Variants in PTPRU observed in about 807,000 individuals in gnomAD.
PTPRU encodes receptor-type tyrosine-protein phosphatase U.
A neutral mutation model predicts 166.3 loss-of-function variants in PTPRU; 69 were observed. The observed-to-expected ratio is 0.41, with a 90% CI of 0.34 to 0.51. The LOEUF is 0.51. PTPRU is among the 20% of genes least tolerant of loss of function. PTPRU has a pLI of 0.09. For synonymous variants in PTPRU, 793 were observed against 814.0 expected, an observed-to-expected ratio of 0.97 and a Z score of 0.44; for missense variants, 1,657 against 2,013.7, an observed-to-expected ratio of 0.82 and a Z score of 3.39.
At chr1:29,303,760 C>G (rs1004293805) in intron 15 of PTPRU, 95 bp from the exon 16 acceptor site, 1 of 1,309,872 alleles carries the variant, frequency 7.6e-7, no homozygotes. Flanking sequence ...TTGGCATTGG[C>G]TGTGCCTCCC....
In PTPRU at chr1:29,325,803, T is replaced by G. The variant is rs1574742629; in HGVS notation, c.*142T>G. 3.1e-6 allele frequency: 3 copies of G among 954,498 alleles called. No homozygotes were observed. In the East Asian group the frequency reaches 8.2e-5, roughly 26 times the overall value. The allele number at this position is 954,498 out of a possible 1,614,324, so 59.1% of individuals were successfully genotyped here. ...TGGAGTGGATGCTGGGCTATCTTGC[T>G]CCCCCTTCCACTGTGGGCAGGGCCT... On this transcript the variant is annotated 3_prime_UTR_variant, in exon 30 of 30. Transcript: ENST00000373779.
At chr1:29,305,558 G>C (rs753963202) in intron 18 of PTPRU, 130 bp downstream of exon 18, 2 of 941,714 alleles carry the variant, frequency 2.1e-6, no homozygotes, top group South Asian at 2.6e-5. Flanking sequence ...CCCTATCTCT[G>C]CAGTCAGTGC....
chr1:29,242,919 A>G (rs1445538949), intron 1 of PTPRU, among the ~76,000 whole-genome samples: 1 of 147,812 alleles, frequency 6.8e-6, no homozygotes, highest in Non-Finnish European at 1.5e-5. Flanking sequence ...TTTTTTTGAG[A>G]TGGAGTCTCA....
Position 29,323,825 on chromosome 1 carries a change from T to G in PTPRU, c.4112+37T>G, listed in dbSNP as rs370610675. On this transcript the variant is annotated intron_variant, in intron 28 of 29. Coordinates refer to ENST00000373779, the MANE Select transcript of PTPRU (RefSeq NM_133178.4). Reference sequence around the variant, plus strand: ...CCCTGTGGGAGGGCGGGTGGAGGGGTTGGGGAGCCAGGGGCAGAGGTCCAG... The same window carrying G: ...CCCTGTGGGAGGGCGGGTGGAGGGGGTGGGGAGCCAGGGGCAGAGGTCCAG... The G allele has an allele frequency of 3.5e-4, 560 of 1,608,460 alleles. 1 individual carries two copies. Among genetic ancestry groups the G allele is most frequent in the Non-Finnish European group, 4.6e-4 (540 of 1,176,572 alleles).
intron 7 of PTPRU, among the ~76,000 whole-genome samples, chr1:29,269,236 ATATATATATATTTTTTTTTTTTTTT>A (rs1268397582): frequency 2.9e-5 from 1 of 34,450 alleles, no homozygotes; most frequent in Admixed American, 5.4e-4. Flanking sequence ...ATATATATAT[ATATATATATATTTTTTTTTTTTTTT>A]TTTTTTTTTT....
In PTPRU at chr1:29,303,915, G is replaced by C; in HGVS notation, c.2537G>C (p.Arg846Pro). 6.2e-7 allele frequency: 1 copy of C among 1,613,842 alleles called. No homozygotes were observed. Among genetic ancestry groups the C allele is most frequent in the Non-Finnish European group, 8.5e-7 (1 of 1,179,734 alleles). The part of the protein sequence containing the change: ...ASSLLGGSPR[R>P]PCGRKGSPYH... Reference sequence around the variant, plus strand: ...AGCCTCCTGGGGGGCTCCCCGAGGCGTCCCTGTGGCCGGAAGGGCTCCCCA... The same window carrying C: ...AGCCTCCTGGGGGGCTCCCCGAGGCCTCCCTGTGGCCGGAAGGGCTCCCCA... The change falls in exon 16 of 30, where the codon CGT becomes CCT. Residue 846 changes from arginine (R) to proline (P), a missense_variant. Coordinates refer to ENST00000373779, the MANE Select transcript of PTPRU (RefSeq NM_133178.4).
rs1158934133 is a variant in PTPRU, at chr1:29,259,449, C to T, written c.560C>T (p.Ala187Val). The change falls in exon 5 of 30, where the codon GCA becomes GTA. Residue 187 changes from alanine (A) to valine (V), a missense_variant and splice_region_variant. Ala to Val is a moderately conservative substitution (Grantham distance 64, BLOSUM62 0). Coordinates refer to ENST00000373779, the MANE Select transcript of PTPRU (RefSeq NM_133178.4). ...TCACGATGCAGCTCTAACCCCGCAG[C>T]AAAGGCCCCACACTTCTCCCGCCTG... Reference protein sequence around the residue: ...DDILLLSYPCAKAPHFSRLGD... With the variant: ...DDILLLSYPCVKAPHFSRLGD... 1 of 1,610,338 alleles carries T rather than the reference C, an allele frequency of 6.2e-7. No individual in the cohort carries two copies. Among genetic ancestry groups the T allele is most frequent in the Non-Finnish European group, 8.5e-7 (1 of 1,177,528 alleles).
At position 29,259,020 on chromosome 1, in the gene PTPRU, CTCTG is replaced by C. The variant is rs1684899859; in HGVS notation, c.478-236_478-233del. 2.6e-5 allele frequency among the ~76,000 whole-genome samples: 4 copies of C among 152,160 alleles called. No homozygotes were observed. The South Asian group carries it at 6.2e-4, about 24-fold the overall frequency. On this transcript the variant is annotated intron_variant, in intron 3 of 29. Transcript: ENST00000373779. ...AGTTGGAACAGTGCTGACCTGGAAA[CTCTG>C]TCTGGCTGCTTGAGGGTAACTGTCC...
chr1:29,297,246 G>T (rs1686931407), intron 15 of PTPRU, among the ~76,000 whole-genome samples: 1 of 151,564 alleles, frequency 6.6e-6, no homozygotes, highest in East Asian at 2.0e-4. Flanking sequence ...GTAGAGACGG[G>T]GTTTCACTAT....
intron 25 of PTPRU, among the ~76,000 whole-genome samples, chr1:29,319,445 G>T (rs1050625096): frequency 2.6e-5 from 4 of 152,166 alleles, no homozygotes; most frequent in African/African-American, 9.7e-5. Context: ...AGCCATGCAG[G>T]TCCTATTGGC....
chr1:29,262,994 A>G (rs1348880460), intron 7 of PTPRU, among the ~76,000 whole-genome samples: 1 of 151,474 alleles, frequency 6.6e-6, no homozygotes, highest in Non-Finnish European at 1.5e-5. Flanking sequence ...TTATTTATTT[A>G]TTTATTATTA....
intron 7 of PTPRU, among the ~76,000 whole-genome samples, chr1:29,273,250 C>G (rs1312006397): frequency 1.3e-5 from 2 of 152,112 alleles, no homozygotes; most frequent in African/African-American, 4.8e-5. Flanking sequence ...GCCTTTGCTT[C>G]AGAAGCCTTG....
At chr1:29,324,170 A>G (rs1243567180) in intron 28 of PTPRU, among the ~76,000 whole-genome samples, 1 of 151,920 alleles carries the variant, frequency 6.6e-6, no homozygotes, top group Non-Finnish European at 1.5e-5. Context: ...CCATCCACCC[A>G]TCCATCCATC....
In PTPRU at chr1:29,282,919, C is replaced by T. The variant is rs766721153; in HGVS notation, c.2112C>T (p.Ile704=). 2.5e-6 allele frequency: 4 copies of T among 1,613,834 alleles called. No individual in the cohort carries two copies. In the Admixed American group the frequency reaches 6.7e-5, roughly 27 times the overall value. Residue 704 remains isoleucine, a synonymous_variant, in exon 12 of 30, where the codon ATC becomes ATT. Coordinates refer to ENST00000373779, the MANE Select transcript of PTPRU (RefSeq NM_133178.4). ...PPLEPRKAYL[I]YFQAASHLKG... ...TTGAGCCTAGGAAGGCCTATCTCAT[C>T]TACTTCCAGGCAGCAAGCCACCTGA...
chr1:29,290,351 T>A (rs1281321690), intron 14 of PTPRU, among the ~76,000 whole-genome samples: 1 of 152,204 alleles, frequency 6.6e-6, no homozygotes, highest in Non-Finnish European at 1.5e-5. Flanking sequence ...ACTTTACTGA[T>A]GAGGAAACTG....
chr1:29,320,625 AG>A lies in PTPRU; in HGVS notation c.3688-58del. On this transcript the variant is annotated intron_variant, in intron 25 of 29. Transcript: ENST00000373779. This position sits in a 1 kb window ranked among gnomAD's most constrained non-coding sequence, Gnocchi z 5.2. ...AGTGCGGGAAGACAGCCTGGGGCAG[AG>A]GCTCAGCCCAGGCCAGGGGCCGGGA... The A allele has an allele frequency of 6.8e-7, 1 of 1,477,946 alleles. No individual in the cohort carries two copies. Among genetic ancestry groups the A allele is most frequent in the South Asian group, 1.4e-5 (1 of 71,916 alleles). 91.6% of individuals were successfully genotyped at this position (1,477,946 alleles called of 1,614,324 possible). A position where few individuals can be genotyped will look rare whatever the true frequency, so the allele number is the denominator to read the frequency against.
intron 1 of PTPRU, among the ~76,000 whole-genome samples, chr1:29,245,714 T>C (rs1447459770): frequency 1.3e-5 from 2 of 152,248 alleles, no homozygotes; most frequent in Admixed American, 6.5e-5. Flanking sequence ...GCTGCTCTCT[T>C]GTATACTGTG....
chr1:29,300,807 G>A lies in PTPRU; in HGVS notation c.2477-3048G>A, dbSNP rs145359502. Among the ~76,000 whole-genome samples the A allele has an allele frequency of 1.3e-3, 194 of 152,334 alleles. 1 individual carries two copies. Among genetic ancestry groups the A allele is most frequent in the African/African-American group, 4.4e-3 (181 of 41,582 alleles). ...CAGGAAGGTGGAACCCAAGCACAAT[G>A]GGGCAGCCTCCCTGCCCTGGTTGGA... On this transcript the variant is annotated intron_variant, in intron 15 of 29. Transcript: ENST00000373779.
intron 13 of PTPRU, among the ~76,000 whole-genome samples, 190 bp downstream of exon 13, chr1:29,284,166 G>A (rs1170278419): frequency 6.6e-6 from 1 of 152,156 alleles, no homozygotes; most frequent in Admixed American, 6.5e-5. Context: ...CAGGGTGACA[G>A]CAGGGGCCTG....
Sources: gnomAD v4.1 joint callset for allele counts (sites outside exome capture counted in the v4.1 genomes callset) on GRCh38, gnomAD v4.1.1 for gene constraint, Gnocchi (gnomAD v3.1) non-coding constraint, MANE v1.5 for transcripts, NCBI Gene and HGNC (gene_info 2026-07-23, HGNC 2026-07-21) for gene names.